Variants in BCAR3 observed in about 807,000 individuals in gnomAD.
BCAR3 encodes the protein breast cancer anti-estrogen resistance protein 3.
Under a neutral mutation model 80.1 loss-of-function variants are expected in BCAR3, and 37 were observed. That is an observed-to-expected ratio of 0.46 (90% CI 0.36 to 0.61). The LOEUF (loss-of-function observed/expected upper bound fraction) is 0.61, where lower values mean the gene tolerates loss of function less well. Ranked by LOEUF, BCAR3 falls within the 20% of genes least tolerant of loss-of-function variation. The pLI, the probability that BCAR3 is intolerant of heterozygous loss-of-function variation, is 0.00. For synonymous variants in BCAR3, 389 were observed against 418.9 expected (o/e 0.93, Z 0.87); for missense variants, 978 against 1,068.2 (o/e 0.92, Z 1.18).
chr1:93,651,047 T>C (rs566071548), intron 2 of BCAR3, among the ~76,000 whole-genome samples: 1 of 152,202 alleles, frequency 6.6e-6, no homozygotes, highest in Admixed American at 6.5e-5. Flanking sequence ...GAACACTGGC[T>C]CCCCAGGACA....
chr1:93,813,852 A>G (rs1292350078), intron 2 of BCAR3, among the ~76,000 whole-genome samples: 1 of 152,214 alleles, frequency 6.6e-6, no homozygotes, highest in Non-Finnish European at 1.5e-5. Context: ...ATGAAAGATC[A>G]ATCATTTATT....
chr1:93,744,376 T>C (rs532136345), intron 2 of BCAR3, among the ~76,000 whole-genome samples: 3 of 152,220 alleles, frequency 2.0e-5, no homozygotes, highest in East Asian at 1.9e-4. Flanking sequence ...ACTTTAGAGG[T>C]AGTCATATTG....
At position 93,592,031 on chromosome 1, in the gene BCAR3, G is replaced by A. The variant is rs922662401; in HGVS notation, c.486+234C>T. 2.6e-5 allele frequency among the ~76,000 whole-genome samples: 4 copies of A among 152,252 alleles called. No individual in the cohort carries two copies. Among genetic ancestry groups the A allele is most frequent in the African/African-American group, 9.6e-5 (4 of 41,476 alleles). ...CGCTGTGCTTGCAGACCCCAGGAGC[G>A]CTGGCTGTCCCTTCACTTCCTGAAC... On this transcript the variant is annotated intron_variant, in intron 4 of 11. Coordinates refer to ENST00000260502, the MANE Select transcript of BCAR3 (RefSeq NM_003567.4). This position sits in a 1 kb window ranked among gnomAD's most constrained non-coding sequence, Gnocchi z 4.8.
In BCAR3 at chr1:93,582,646, G is replaced by C. The variant is rs149939506; in HGVS notation, c.1341C>G (p.Pro447=). The change falls in exon 7 of 12, where the codon CCC becomes CCG. Residue 447 remains proline (P), a synonymous_variant. Transcript: ENST00000260502. ...CTGTGTGGCTTCCCTGGGCACATGA[G>C]GGTAGCTTTGCTCCCCTGCCGCAGC... ...ATGCGRGAKL[P]SCAQGSHTEL... is the part of the protein sequence containing the mutation. The C allele has an allele frequency of 4.4e-5, 71 of 1,613,922 alleles. No homozygotes were observed. Among genetic ancestry groups the C allele is most frequent in the Non-Finnish European group, 5.8e-5 (69 of 1,180,012 alleles).
intron 2 of BCAR3, among the ~76,000 whole-genome samples, chr1:93,712,232 C>T (rs139918510): frequency 1.1e-3 from 170 of 152,324 alleles, no homozygotes; most frequent in Middle Eastern, 3.4e-3. Flanking sequence ...CCCCTCTGTC[C>T]CCGACCCTGG....
intron 2 of BCAR3, among the ~76,000 whole-genome samples, chr1:93,836,166 C>T (rs557650034): frequency 6.6e-6 from 1 of 152,326 alleles, no homozygotes; most frequent in South Asian, 2.1e-4. Context: ...CGAGATGCTA[C>T]AGGGTACAGC....
Position 93,747,679 on chromosome 1 carries a change from C to G in BCAR3, c.-62-41537G>C, listed in dbSNP as rs143040093. 1.6e-3 allele frequency among the ~76,000 whole-genome samples: 248 copies of G among 151,756 alleles called. 12 individuals are homozygous for G. The highest frequency in any genetic ancestry group is 5.7e-3 in the African/African-American group (233 of 41,034). On this transcript the variant is annotated intron_variant, in intron 2 of 13. Coordinates refer to the BCAR3 transcript ENST00000370244. The stretch of plus-strand genomic sequence containing the variant: ...TAATTTGAGCTGCTACCAGAACTGT[C>G]TTTCCTGAATGTAAATTGGACCTTG...
At chr1:93,700,018 G>A (rs2101971627) in intron 3 of BCAR3, among the ~76,000 whole-genome samples, 2 of 152,154 alleles carry the variant, frequency 1.3e-5, no homozygotes, top group South Asian at 4.2e-4. Context: ...GGAGGTGAGG[G>A]ACTTGCCTGG....
chr1:93,782,284 A>G (rs1253039438), intron 2 of BCAR3, among the ~76,000 whole-genome samples: 1 of 152,310 alleles, frequency 6.6e-6, no homozygotes, highest in Middle Eastern at 3.4e-3. Flanking sequence ...TGTGAGCAGT[A>G]ATGTTCCTGG....
At chr1:93,696,118 G>A (rs1330121450) in intron 3 of BCAR3, among the ~76,000 whole-genome samples, 1 of 150,662 alleles carries the variant, frequency 6.6e-6, no homozygotes, top group African/African-American at 2.5e-5. Context: ...AAAGCTCATT[G>A]TAGCCTTGAC....
At chr1:93,754,499 T>C (rs1486594559) in intron 2 of BCAR3, among the ~76,000 whole-genome samples, 1 of 152,206 alleles carries the variant, frequency 6.6e-6, no homozygotes, top group Admixed American at 6.5e-5. Context: ...AGAGGTGAAA[T>C]TGAGCCAGAC....
intron 3 of BCAR3, among the ~76,000 whole-genome samples, chr1:93,641,774 C>T (rs1675984304): frequency 6.6e-6 from 1 of 152,110 alleles, no homozygotes; most frequent in Non-Finnish European, 1.5e-5. Context: ...AGCCTTCGGT[C>T]CTCCACTGAA....
intron 2 of BCAR3, chr1:93,845,502 A>ATATATCTCTTGTTTTCAAG: frequency 8.8e-6 from 1 of 113,822 alleles, no homozygotes; most frequent in Admixed American, 9.5e-5. Context: ...ATATATATAT[A>ATATATCTCTTGTTTTCAAG]AAACTTTGTT....
intron 3 of BCAR3, among the ~76,000 whole-genome samples, chr1:93,687,839 C>T (rs1186561383): frequency 6.6e-6 from 1 of 152,190 alleles, no homozygotes; most frequent in Non-Finnish European, 1.5e-5. Context: ...AAAGAACAAT[C>T]CCTAAAGTTC....
intron 2 of BCAR3, among the ~76,000 whole-genome samples, chr1:93,771,175 G>T (rs994687339): frequency 7.2e-5 from 11 of 152,114 alleles, no homozygotes; most frequent in African/African-American, 2.7e-4. Context: ...TATTGATGGA[G>T]AAATGGAAAG....
chr1:93,809,010 G>A (rs908480179), intron 2 of BCAR3, among the ~76,000 whole-genome samples: 44 of 152,288 alleles, frequency 2.9e-4, no homozygotes, highest in African/African-American at 1.1e-3. Flanking sequence ...GTAAAAGTAT[G>A]TAACAGGCTG....
At chr1:93,806,587 C>G (rs1241818542) in intron 2 of BCAR3, among the ~76,000 whole-genome samples, 1 of 152,054 alleles carries the variant, frequency 6.6e-6, no homozygotes, top group African/African-American at 2.4e-5. Flanking sequence ...GGTTTTAAGA[C>G]AATTGTGTTT....
At chr1:93,721,949 G>A (rs1026160100) in intron 2 of BCAR3, among the ~76,000 whole-genome samples, 9 of 152,242 alleles carry the variant, frequency 5.9e-5, no homozygotes, top group Admixed American at 3.9e-4. Flanking sequence ...AGTGGCTGGT[G>A]CATCACAAGT....
At chr1:93,728,243 G>A (rs551046288) in intron 2 of BCAR3, among the ~76,000 whole-genome samples, 2 of 152,348 alleles carry the variant, frequency 1.3e-5, no homozygotes, top group South Asian at 4.1e-4. Context: ...GCGTGTGACA[G>A]GGGGAGTGGC....
Sources: allele counts gnomAD v4.1 joint callset (sites outside exome capture counted in the v4.1 genomes callset), GRCh38; gene constraint gnomAD v4.1.1; non-coding constraint Gnocchi (gnomAD v3.1); transcripts MANE v1.5; gene names NCBI Gene and HGNC (gene_info 2026-07-23, HGNC 2026-07-21).